UNC13B: variants seen among roughly 807,000 people sequenced by gnomAD.
UNC13B encodes unc-13 homolog B.
In UNC13B, 144 loss-of-function variants were observed where a neutral mutation model predicts 211.0. The ratio of observed to expected loss-of-function variants is 0.68; its 90% CI spans 0.60 to 0.78. UNC13B has a LOEUF of 0.78. Among genes scored for constraint, UNC13B ranks in the 30% least tolerant of loss-of-function variants. The probability of loss-of-function intolerance (pLI) is 0.00; values close to 1 mark genes in which losing one functional copy is unlikely to be tolerated. For missense variants in UNC13B, 1,777 were observed against 2,002.0 expected (o/e 0.89, Z 2.14); for synonymous variants, 709 against 725.8 (o/e 0.98, Z 0.37).
At chr9:35,329,434 G>A (rs1160274405) in intron 11 of UNC13B, among the ~76,000 whole-genome samples, 1 of 152,014 alleles carries the variant, frequency 6.6e-6, no homozygotes, top group Non-Finnish European at 1.5e-5. Context: ...GAGGCCTTGG[G>A]AGAAATCAAC....
At chr9:35,341,476 G>A (rs556274796) in intron 11 of UNC13B, among the ~76,000 whole-genome samples, 13 of 152,266 alleles carry the variant, frequency 8.5e-5, no homozygotes, top group Non-Finnish European at 1.6e-4. Flanking sequence ...CAGTAGAAGG[G>A]AAGACTCCCT....
chr9:35,304,182 A>T lies in UNC13B; in HGVS notation c.4778A>T (p.Lys1593Met). The T allele has an allele frequency of 2.5e-6, 1 of 398,840 alleles. No homozygotes were observed. Among genetic ancestry groups the T allele is most frequent in the Non-Finnish European group, 4.4e-6 (1 of 225,904 alleles). The allele number at this position is 398,840 out of a possible 1,614,324, so 24.7% of individuals were successfully genotyped here. A position where few individuals can be genotyped will look rare whatever the true frequency, so the allele number is the denominator to read the frequency against. The stretch of plus-strand genomic sequence containing the variant: ...GCCTGTAGTTTTAAAGTACTTGATA[A>T]GGAAGATGAAATATTTTGGTATGTT... ...ISACSFKVLD[K>M]EDEIFWYVEE... The change falls in exon 9 of 40, where the codon AAG (lysine) becomes ATG (methionine). Residue 1593 changes from lysine to methionine, a missense_variant. Transcript: ENST00000635942.
chr9:35,378,247 G>A, intron 16 of UNC13B, 48 bp from the exon 17 acceptor site: 2 of 1,611,368 alleles, frequency 1.2e-6, no homozygotes, highest in East Asian at 2.2e-5. Context: ...AGTGTTGTGG[G>A]GGGCTTCTGA....
chr9:35,348,012 G>A (rs1451661675), intron 11 of UNC13B, among the ~76,000 whole-genome samples: 1 of 152,144 alleles, frequency 6.6e-6, no homozygotes, highest in African/African-American at 2.4e-5. Flanking sequence ...CGAGATGGGC[G>A]GATCACCTGA....
intron 11 of UNC13B, among the ~76,000 whole-genome samples, chr9:35,333,497 G>A (rs1831482438): frequency 6.6e-6 from 1 of 152,194 alleles, no homozygotes; most frequent in African/African-American, 2.4e-5. Flanking sequence ...GCAGGGCATG[G>A]TGTGTTGTTA....
At chr9:35,395,314 T>G (rs2132339141) in intron 26 of UNC13B, among the ~76,000 whole-genome samples, 1 of 152,342 alleles carries the variant, frequency 6.6e-6, no homozygotes, top group Non-Finnish European at 1.5e-5. Flanking sequence ...TAGAAGAGAC[T>G]GCAAATGCAA....
intron 7 of UNC13B, among the ~76,000 whole-genome samples, chr9:35,260,289 A>G (rs752239938): frequency 2.6e-5 from 4 of 152,156 alleles, no homozygotes; most frequent in Non-Finnish European, 5.9e-5. Context: ...TGCCATTCTG[A>G]GACTTTAAGT....
chr9:35,315,946 A>T (rs1208161388), intron 11 of UNC13B, among the ~76,000 whole-genome samples: 1 of 152,222 alleles, frequency 6.6e-6, no homozygotes, highest in African/African-American at 2.4e-5. Flanking sequence ...TTGCGTCAGA[A>T]AGTACCTGAT....
At chr9:35,204,372 C>T (rs1823521024) in intron 1 of UNC13B, among the ~76,000 whole-genome samples, 1 of 152,222 alleles carries the variant, frequency 6.6e-6, no homozygotes, top group Non-Finnish European at 1.5e-5. Context: ...TGGGGCACTG[C>T]CTAGTGGAGC....
At chr9:35,359,903 G>T (rs1002024063) in intron 11 of UNC13B, among the ~76,000 whole-genome samples, 5 of 152,194 alleles carry the variant, frequency 3.3e-5, no homozygotes, top group African/African-American at 1.2e-4. Flanking sequence ...GCATGAGTCA[G>T]GTTATATCAC....
At chr9:35,163,257 C>G (rs889283176) in intron 1 of UNC13B, among the ~76,000 whole-genome samples, 2 of 152,142 alleles carry the variant, frequency 1.3e-5, no homozygotes, top group African/African-American at 4.8e-5. Context: ...TCAACTAGAG[C>G]CTTTACCTGA....
chr9:35,176,058 G>A (rs1821616600), intron 1 of UNC13B, among the ~76,000 whole-genome samples: 1 of 146,120 alleles, frequency 6.8e-6, no homozygotes, highest in Non-Finnish European at 1.5e-5. Flanking sequence ...GTAGTCTTAA[G>A]AAGAAATTTG....
chr9:35,289,283 G>A (rs970526723), intron 7 of UNC13B, among the ~76,000 whole-genome samples: 3 of 152,120 alleles, frequency 2.0e-5, no homozygotes, highest in African/African-American at 7.2e-5. Flanking sequence ...CTAGAATTTC[G>A]AGTCTTACTG....
chr9:35,354,363 A>G (rs922579364), intron 11 of UNC13B, among the ~76,000 whole-genome samples: 1 of 152,134 alleles, frequency 6.6e-6, no homozygotes, highest in Non-Finnish European at 1.5e-5. Flanking sequence ...TACCCCAGGT[A>G]CCTGTCTCTT....
chr9:35,398,262 A>C lies in UNC13B; in HGVS notation c.11806A>C (p.Met3936Leu). The C allele has an allele frequency of 6.2e-7, 1 of 1,613,938 alleles. No individual in the cohort carries two copies. Among genetic ancestry groups the C allele is most frequent in the South Asian group, 1.1e-5 (1 of 91,014 alleles). Reference protein sequence around the residue: ...VQQLRVQLEKMFEAMGGKELD... With the variant: ...VQQLRVQLEKLFEAMGGKELD... ...GCAACTGAGGGTCCAGCTGGAGAAA[A>C]TGTTTGAGGCCATGGGAGGCAAGGA... Residue 3936 changes from methionine to leucine, a missense_variant, in exon 31 of 40, where the codon ATG (methionine) becomes CTG (leucine). Transcript: ENST00000635942.
rs117512850 is a variant in UNC13B at position 35,400,150 on chromosome 9, C to T, written c.12337-146C>T. On this transcript the variant is annotated intron_variant, in intron 36 of 39. Coordinates refer to ENST00000635942, the MANE Select transcript of UNC13B (RefSeq NM_001371189.2). ...AATCCTGCCAAATACCCAAATAATA[C>T]TCATCCAAGAGCCTATGCTCTGGTT... is the stretch of plus-strand genomic sequence containing the variant. 6.0e-4 allele frequency: 701 copies of T among 1,159,392 alleles called. 6 individuals carry two copies. The East Asian group carries it at 0.015, about 26-fold the overall frequency. The allele number at this position is 1,159,392 out of a possible 1,614,324, so 71.8% of individuals were successfully genotyped here.
chr9:35,310,171 A>G (rs916704012), intron 9 of UNC13B, among the ~76,000 whole-genome samples: 3 of 152,220 alleles, frequency 2.0e-5, no homozygotes, highest in African/African-American at 7.2e-5. Flanking sequence ...GGCCATTTTA[A>G]TAATTTTTAA....
chr9:35,404,322 CT>C lies in UNC13B; in HGVS notation c.*291del, dbSNP rs1836544004. ...AACATTTCTGAGAGTGTCAGCCATT[CT>C]TGGTAGACACCTCTCCACTCCTCAT... On this transcript the variant is annotated 3_prime_UTR_variant, in exon 40 of 40. Coordinates refer to ENST00000635942, the MANE Select transcript of UNC13B (RefSeq NM_001371189.2). The C allele has an allele frequency of 2.5e-5, 11 of 447,770 alleles. No individual in the cohort carries two copies. The South Asian group carries it at 3.0e-4, about 12-fold the overall frequency. The allele number at this position is 447,770 out of a possible 1,614,324, so 27.7% of individuals were successfully genotyped here.
At chr9:35,402,068 A>G (rs779133850) in intron 37 of UNC13B, 62 of 1,490,326 alleles carry the variant, frequency 4.2e-5, no homozygotes, top group Non-Finnish European at 5.7e-5. Context: ...CCTGGGAGCT[A>G]GAATGAGCAA....
Sources: allele counts gnomAD v4.1 joint callset (sites outside exome capture counted in the v4.1 genomes callset), GRCh38; gene constraint gnomAD v4.1.1; transcripts MANE v1.5; gene names NCBI Gene and HGNC (gene_info 2026-07-23, HGNC 2026-07-21).